The following COL5A2 variants were observed in gnomAD, a reference collection of about 807,000 sequenced individuals.
COL5A2 encodes the protein collagen type V alpha 2 chain, also known as collagen alpha-2(V) chain.
In COL5A2, 23 loss-of-function variants were observed where a neutral mutation model predicts 208.2. The ratio of observed to expected loss-of-function variants is 0.11; its 90% CI spans 0.08 to 0.16. The LOEUF is 0.16. COL5A2 is among the 10% of genes least tolerant of loss of function. The probability of loss-of-function intolerance (pLI) is 1.00; values close to 1 mark genes in which losing one functional copy is unlikely to be tolerated. For synonymous variants in COL5A2, 625 were observed against 628.5 expected (o/e 0.99, Z 0.08); for missense variants, 1,590 against 1,956.4 (o/e 0.81, Z 3.53).
At chr2:189,366,524 G>C in the COL5A2 span, among the ~76,000 whole-genome samples, 3 of 152,266 alleles carry the variant, frequency 2.0e-5, no homozygotes, top group South Asian at 6.2e-4. Context: ...TGCCAAGGTG[G>C]AGAACACTGG....
chr2:189,142,664 C>T (rs562468894), intron 1 of COL5A2, among the ~76,000 whole-genome samples: 4 of 152,160 alleles, frequency 2.6e-5, no homozygotes, highest in Non-Finnish European at 5.9e-5. Flanking sequence ...ATAGGACAGA[C>T]ATCCTTCAGA....
chr2:189,431,098 G>C, the COL5A2 span, among the ~76,000 whole-genome samples: 1 of 152,190 alleles, frequency 6.6e-6, no homozygotes, highest in South Asian at 2.1e-4. Flanking sequence ...ACCTGCAGCT[G>C]AGGTACCTAT....
chr2:189,434,533 A>G, the COL5A2 span, among the ~76,000 whole-genome samples: 1 of 152,082 alleles, frequency 6.6e-6, no homozygotes, highest in African/African-American at 2.4e-5. Context: ...TTATACACCA[A>G]TAACAGACAG....
chr2:189,404,336 A>C, the COL5A2 span, among the ~76,000 whole-genome samples: 2 of 152,218 alleles, frequency 1.3e-5, no homozygotes, highest in African/African-American at 4.8e-5. Flanking sequence ...AAGGAAAAGC[A>C]AATTCCATCT....
chr2:189,089,647 C>G (rs191676722), intron 7 of COL5A2, among the ~76,000 whole-genome samples: 1 of 152,264 alleles, frequency 6.6e-6, no homozygotes, highest in Non-Finnish European at 1.5e-5. Flanking sequence ...AGCAAGACAA[C>G]CGGTGCCATG....
In COL5A2 at chr2:189,078,524, C is replaced by A; in HGVS notation, c.1051G>T (p.Gly351Cys). ...AAAGCAGATATACTTACAGGAGCACCCTGTGGCCCAAGTCTCCCTCTCTCT... is the reference window on the plus strand; with the variant it reads ...AAAGCAGATATACTTACAGGAGCACACTGTGGCCCAAGTCTCCCTCTCTCT... ...PGERGRLGPQ[G>C]APGQRGAHGM... is the part of the protein sequence containing the mutation. The change falls in exon 16 of 54, where the codon GGT (glycine) becomes TGT (cysteine). Residue 351 changes from glycine (G) to cysteine (C), a missense_variant. Transcript: ENST00000374866. 1 of 1,611,476 alleles carries A rather than the reference C, an allele frequency of 6.2e-7. No homozygotes were observed. Among genetic ancestry groups the A allele is most frequent in the Non-Finnish European group, 8.5e-7 (1 of 1,177,700 alleles).
the COL5A2 span, among the ~76,000 whole-genome samples, chr2:189,349,781 T>C: frequency 3.9e-5 from 6 of 152,184 alleles, no homozygotes; most frequent in Admixed American, 3.9e-4. Flanking sequence ...CTCAGAAGTT[T>C]TTAAAAGTAG....
intron 2 of COL5A2, among the ~76,000 whole-genome samples, chr2:189,109,495 A>G (rs1687217360): frequency 6.6e-6 from 1 of 152,152 alleles, no homozygotes; most frequent in Non-Finnish European, 1.5e-5. Flanking sequence ...TGTCTTGACA[A>G]TGATGAATTA....
intron 1 of COL5A2, among the ~76,000 whole-genome samples, chr2:189,170,484 G>T (rs1688552529): frequency 6.6e-6 from 1 of 152,150 alleles, no homozygotes; most frequent in South Asian, 2.1e-4. Context: ...TTTCTTAGAG[G>T]ATATAAGATT....
In COL5A2 at chr2:189,058,862, G is replaced by C. The variant is rs146175905; in HGVS notation, c.2117C>G (p.Pro706Arg). 6.2e-7 allele frequency: 1 copy of C among 1,613,068 alleles called. No individual in the cohort carries two copies. The highest frequency in any genetic ancestry group is 1.1e-5 in the South Asian group (1 of 91,022). Residue 706 changes from proline to arginine, a missense_variant, in exon 32 of 54, where the codon CCG (proline) becomes CGG (arginine). Pro to Arg is a moderately radical substitution (Grantham distance 103, BLOSUM62 -2). Transcript: ENST00000374866. Reference sequence around the variant, plus strand: ...TAAAATACTTACTCTAGGTCCTAACGGGCCAACTGCTCCGGGATCTCCAGG... The same window carrying C: ...TAAAATACTTACTCTAGGTCCTAACCGGCCAACTGCTCCGGGATCTCCAGG... ...GVPGDPGAVG[P>R]LGPRGERGNP...
chr2:189,421,800 G>A, the COL5A2 span, among the ~76,000 whole-genome samples: 2 of 151,698 alleles, frequency 1.3e-5, no homozygotes, highest in African/African-American at 4.9e-5. Context: ...GCAGACCTCA[G>A]CAGCTGTGGG....
chr2:189,210,620 T>C (rs1459359603), intron 1 of COL5A2, among the ~76,000 whole-genome samples: 1 of 152,224 alleles, frequency 6.6e-6, no homozygotes, highest in Non-Finnish European at 1.5e-5. Context: ...ATCAAAGTGC[T>C]TTAGGGTTTT....
chr2:189,227,995 T>G (rs568334439), upstream of COL5A2, among the ~76,000 whole-genome samples: 7 of 152,042 alleles, frequency 4.6e-5, 1 homozygote, highest in Admixed American at 3.9e-4. Context: ...CTGATCACAA[T>G]AGAATGCAAC....
the COL5A2 span, among the ~76,000 whole-genome samples, chr2:189,264,270 G>C: frequency 6.6e-6 from 1 of 151,898 alleles, no homozygotes; most frequent in Non-Finnish European, 1.5e-5. Flanking sequence ...CTAAATAATG[G>C]AAAACATTTA....
chr2:189,080,085 A>C, intron 13 of COL5A2, 54 bp from the exon 14 acceptor site: 1 of 1,391,440 alleles, frequency 7.2e-7, no homozygotes. Flanking sequence ...CAATCCTCAA[A>C]GGCATAAGAA....
Position 189,079,094 on chromosome 2 carries a change from G to C in COL5A2, c.974C>G (p.Pro325Arg). ...GAPGSKGEAG[P>R]TGPMGAMGPL... ...ACCCATGGCACCCATTGGACCAGTG[G>C]GGCCAGCTTCACCCTAAAAAAAAAT... Residue 325 changes from proline to arginine, a missense_variant, in exon 15 of 54, where the codon CCC (proline) becomes CGC (arginine). Pro to Arg is a moderately radical substitution (Grantham distance 103, BLOSUM62 -2). Transcript: ENST00000374866. 2 of 1,612,982 alleles carry C rather than the reference G, an allele frequency of 1.2e-6. No individual in the cohort carries two copies. The highest frequency in any genetic ancestry group is 1.7e-6 in the Non-Finnish European group (2 of 1,179,266).
At chr2:189,347,936 G>A in the COL5A2 span, among the ~76,000 whole-genome samples, 1 of 152,056 alleles carries the variant, frequency 6.6e-6, no homozygotes, top group East Asian at 1.9e-4. Flanking sequence ...AATTAATCTT[G>A]CAGTTGTTAG....
intron 24 of COL5A2, 68 bp downstream of exon 24, chr2:189,064,936 C>A: frequency 6.9e-7 from 1 of 1,453,466 alleles, no homozygotes; most frequent in Non-Finnish European, 9.6e-7. Context: ...GCTAGATCAC[C>A]GTGCTGAAAA....
At chr2:189,401,869 T>C in the COL5A2 span, among the ~76,000 whole-genome samples, 94 of 152,326 alleles carry the variant, frequency 6.2e-4, no homozygotes, top group Non-Finnish European at 1.2e-3. Context: ...TATGGCTTCT[T>C]TTGAGAAGCG....
Sources: gnomAD v4.1 joint callset for allele counts (sites outside exome capture counted in the v4.1 genomes callset) on GRCh38, gnomAD v4.1.1 for gene constraint, MANE v1.5 for transcripts, NCBI Gene and HGNC (gene_info 2026-07-23, HGNC 2026-07-21) for gene names.